Variants in DNAJC17 observed in about 807,000 individuals in gnomAD.
DNAJC17 encodes the protein dnaJ homolog subfamily C member 17.
In DNAJC17, 35 loss-of-function variants were observed where a neutral mutation model predicts 48.1. The ratio of observed to expected loss-of-function variants is 0.73; its 90% confidence interval spans 0.56 to 0.96. The LOEUF is 0.96. DNAJC17 is among the 50% of genes least tolerant of loss of function. DNAJC17 has a pLI of 0.00. For synonymous variants in DNAJC17, 117 were observed against 142.7 expected, an observed-to-expected ratio of 0.82 and a Z score of 1.28; for missense variants, 355 against 377.1, an observed-to-expected ratio of 0.94 and a Z score of 0.48.
intron 1 of DNAJC17, among the ~76,000 whole-genome samples, chr15:40,800,593 A>G (rs1191201617): frequency 1.3e-5 from 2 of 148,336 alleles, no homozygotes; most frequent in African/African-American, 2.5e-5. Context: ...TGGCTTGCCC[A>G]TTTTTTAACC....
intron 4 of DNAJC17, among the ~76,000 whole-genome samples, chr15:40,777,623 C>A (rs1225163478): frequency 6.6e-6 from 1 of 151,712 alleles, no homozygotes; most frequent in African/African-American, 2.4e-5. Flanking sequence ...GAGGCTGAGG[C>A]AGGAGAATCG....
At chr15:40,778,432 T>C (rs1414092020) in intron 4 of DNAJC17, among the ~76,000 whole-genome samples, 1 of 152,104 alleles carries the variant, frequency 6.6e-6, no homozygotes, top group South Asian at 2.1e-4. Context: ...TTTGTATTTT[T>C]AGTAGAGAAG....
chr15:40,777,911 T>A lies in DNAJC17; in HGVS notation c.296-1284A>T, dbSNP rs75053501. Among the ~76,000 whole-genome samples the A allele has an allele frequency of 1.4e-3, 206 of 152,266 alleles. 2 individuals carry two copies. The East Asian group carries it at 0.026, about 19-fold the overall frequency. ...AGTGTACACTTGAAATGGGTTGATG[T>A]TGTGATATACAAAGAATACCTCAAT... On this transcript the variant is annotated intron_variant, in intron 4 of 10. Coordinates refer to ENST00000220496, the MANE Select transcript of DNAJC17 (RefSeq NM_018163.3).
At chr15:40,776,752 C>A in intron 4 of DNAJC17, 125 bp from the exon 5 acceptor site, 1 of 884,818 alleles carries the variant, frequency 1.1e-6, no homozygotes, top group Non-Finnish European at 1.8e-6. Context: ...TAACTCTGCC[C>A]CCTCCCTCCA....
chr15:40,774,212 GC>G, intron 9 of DNAJC17, 143 bp downstream of exon 9: 1 of 903,128 alleles, frequency 1.1e-6, no homozygotes, highest in East Asian at 2.4e-5. Context: ...GGAGTCAGGG[GC>G]CCCTGGGAAG....
chr15:40,792,375 G>A, intron 1 of DNAJC17: 5 of 824,356 alleles, frequency 6.1e-6, no homozygotes, highest in Non-Finnish European at 5.9e-6. Flanking sequence ...TAGTTTTCCT[G>A]ATAAATAGAC....
At chr15:40,779,744 G>T in intron 2 of DNAJC17, 141 bp from the exon 3 acceptor site, 1 of 1,121,860 alleles carries the variant, frequency 8.9e-7, no homozygotes, top group Non-Finnish European at 1.3e-6. Context: ...GACCAACAAG[G>T]AGGGGTGAGC....
chr15:40,772,666 T>G (rs1347962967), intron 10 of DNAJC17, among the ~76,000 whole-genome samples: 1 of 152,202 alleles, frequency 6.6e-6, no homozygotes, highest in Non-Finnish European at 1.5e-5. Context: ...AGCAGCCTCC[T>G]GCCAGCCTGC....
chr15:40,798,795 GCAGT>G (rs1306574484), intron 1 of DNAJC17, among the ~76,000 whole-genome samples: 1 of 152,212 alleles, frequency 6.6e-6, no homozygotes, highest in Non-Finnish European at 1.5e-5. Flanking sequence ...GACGGTCACT[GCAGT>G]CACTCAGGTA....
At chr15:40,793,750 G>T (rs1405754684) in intron 1 of DNAJC17, among the ~76,000 whole-genome samples, 1 of 151,884 alleles carries the variant, frequency 6.6e-6, no homozygotes, top group Non-Finnish European at 1.5e-5. Context: ...CTCACTCTAT[G>T]CCAGGCACTG....
At chr15:40,782,199 G>A (rs977262847) in intron 1 of DNAJC17, among the ~76,000 whole-genome samples, 1 of 151,728 alleles carries the variant, frequency 6.6e-6, no homozygotes, top group African/African-American at 2.4e-5. Context: ...TTTCAGCCTA[G>A]GTGACAGAGT....
At chr15:40,775,514 G>A (rs1889295026) in intron 7 of DNAJC17, 39 bp downstream of exon 7, 1 of 1,609,132 alleles carries the variant, frequency 6.2e-7, no homozygotes, top group African/African-American at 1.3e-5. Context: ...GGGAGGCGGT[G>A]TGAGTGTGAG....
At chr15:40,791,959 C>A (rs1451846462) in intron 1 of DNAJC17, among the ~76,000 whole-genome samples, 4 of 152,228 alleles carry the variant, frequency 2.6e-5, no homozygotes, top group African/African-American at 9.6e-5. Context: ...CAGCAGATTA[C>A]ATCAGGCACA....
chr15:40,784,514 ATCC>A lies in DNAJC17; in HGVS notation c.79-4520_79-4518del, dbSNP rs888890373. On this transcript the variant is annotated intron_variant, in intron 1 of 10. Transcript: ENST00000220496. ...AAGCCCCTATGAGGTAGAAATTATT[ATCC>A]TCCTCATTTTACAAATGAGGAAACT... Among the ~76,000 whole-genome samples, 9 of 152,322 alleles carry A rather than the reference ATCC, an allele frequency of 5.9e-5. No homozygotes were observed. The South Asian group carries it at 1.9e-3, about 32-fold the overall frequency.
chr15:40,792,484 A>C, intron 1 of DNAJC17: 2 of 985,374 alleles, frequency 2.0e-6, no homozygotes, highest in Non-Finnish European at 2.4e-6. Context: ...ACACCCTTCA[A>C]AGGGCTTCAA....
rs1441290400 is a variant in DNAJC17, at chr15:40,766,530, C to T, written c.*1410G>A. 1 of 152,278 alleles carries T rather than the reference C, an allele frequency of 6.6e-6. No homozygotes were observed. The highest frequency in any genetic ancestry group is 1.5e-5 in the Non-Finnish European group (1 of 68,078). The allele number at this position is 152,278 out of a possible 1,614,324, so 9.4% of individuals were successfully genotyped here. On this transcript the variant is annotated 3_prime_UTR_variant, in exon 11 of 11. Transcript: ENST00000220496. Reference sequence around the variant, plus strand: ...AATCGGGGAAAGAGGAGGGCTGATCCCAGCCCCTGGGTCAAGGCTCGGGGA... The same window carrying T: ...AATCGGGGAAAGAGGAGGGCTGATCTCAGCCCCTGGGTCAAGGCTCGGGGA...
At chr15:40,778,594 C>T (rs1440129670) in intron 4 of DNAJC17, among the ~76,000 whole-genome samples, 3 of 152,166 alleles carry the variant, frequency 2.0e-5, no homozygotes, top group Non-Finnish European at 4.4e-5. Flanking sequence ...TAAATCCCAC[C>T]TCCAGCAAGC....
chr15:40,805,630 C>G (rs185112739), intron 1 of DNAJC17, among the ~76,000 whole-genome samples: 8 of 150,600 alleles, frequency 5.3e-5, no homozygotes, highest in African/African-American at 1.7e-4. Context: ...ATCACGAGGT[C>G]AGGAGATCGA....
intron 9 of DNAJC17, among the ~76,000 whole-genome samples, chr15:40,774,079 A>G (rs1017927916): frequency 6.6e-6 from 1 of 152,190 alleles, no homozygotes; most frequent in African/African-American, 2.4e-5. Context: ...TGGGGCTCAC[A>G]GCCCCAAGGG....
Sources: gnomAD v4.1 joint callset for allele counts (sites outside exome capture counted in the v4.1 genomes callset) on GRCh38, gnomAD v4.1.1 for gene constraint, MANE v1.5 for transcripts, NCBI Gene and HGNC (gene_info 2026-07-23, HGNC 2026-07-21) for gene names.